Variants in RBM44 observed in about 807,000 individuals in gnomAD.
The protein encoded by RBM44 is RNA binding motif protein 44.
RBM44 carries 66 observed loss-of-function variants against 105.1 expected under a neutral mutation model. The ratio of observed to expected loss-of-function variants is 0.63; its 90% CI spans 0.52 to 0.77. RBM44 has a LOEUF of 0.77. Among genes scored for constraint, RBM44 ranks in the 30% least tolerant of loss-of-function variants. The pLI, the probability that RBM44 is intolerant of heterozygous loss-of-function variation, is 0.00. For synonymous variants in RBM44, 365 were observed against 417.6 expected (o/e 0.87, Z 1.54); for missense variants, 1,122 against 1,207.8 (o/e 0.93, Z 1.05).
intron 5 of RBM44, 46 bp downstream of exon 5, chr2:237,820,397 A>G (rs760386406): frequency 8.5e-7 from 1 of 1,180,728 alleles, no homozygotes; most frequent in South Asian, 1.5e-5. Context: ...ATGTGTCACT[A>G]GCTTTAAGTT....
chr2:237,821,890 C>A, intron 8 of RBM44, 63 bp downstream of exon 8: 3 of 1,118,578 alleles, frequency 2.7e-6, no homozygotes, highest in Non-Finnish European at 4.0e-6. Flanking sequence ...TAAAGTAAAT[C>A]ATAATTTTCA....
chr2:237,822,715 CAAT>C (rs1272892939), intron 8 of RBM44, among the ~76,000 whole-genome samples: 1 of 151,730 alleles, frequency 6.6e-6, no homozygotes, highest in Non-Finnish European at 1.5e-5. Context: ...TTAGGGAGAA[CAAT>C]AAATTATTTT....
At chr2:237,832,915 C>T (rs2061917419) in intron 13 of RBM44, among the ~76,000 whole-genome samples, 2 of 152,178 alleles carry the variant, frequency 1.3e-5, no homozygotes, top group Admixed American at 1.3e-4. Flanking sequence ...CATTACCTCA[C>T]AAATGTTGAT....
intron 1 of RBM44, among the ~76,000 whole-genome samples, chr2:237,805,034 T>C (rs2061584621): frequency 6.6e-6 from 1 of 152,146 alleles, no homozygotes; most frequent in African/African-American, 2.4e-5. Context: ...GGCATCCAAA[T>C]AGGAAGAGAG....
rs1415675520 is a variant in RBM44, at chr2:237,817,061, A to G, written c.142A>G (p.Thr48Ala). The G allele has an allele frequency of 6.3e-7, 1 of 1,597,922 alleles. No individual in the cohort carries two copies. The highest frequency in any genetic ancestry group is 8.5e-7 in the Non-Finnish European group (1 of 1,173,632). ...CAATGGTTGTGATGAAGTCAAATTG[A>G]CTTTTCCTGATGATGACTGGAATTC... ...SSNGCDEVKL[T>A]FPDDDWNSST... Residue 48 changes from threonine (T) to alanine (A), a missense_variant, in exon 3 of 16, where the codon ACT becomes GCT. Transcript: ENST00000316997.
chr2:237,819,888 G>A (rs2061764327), intron 4 of RBM44, among the ~76,000 whole-genome samples: 1 of 151,866 alleles, frequency 6.6e-6, no homozygotes, highest in Non-Finnish European at 1.5e-5. Flanking sequence ...TAGAGAATAA[G>A]CAATTCTCCA....
Position 237,818,698 on chromosome 2 carries a change from G to C in RBM44, c.1677+102G>C, listed in dbSNP as rs1032866359. On this transcript the variant is annotated intron_variant, in intron 3 of 15. Coordinates refer to ENST00000316997, the MANE Select transcript of RBM44 (RefSeq NM_001080504.3). This position sits in a 1 kb window ranked among gnomAD's most constrained non-coding sequence, Gnocchi z 4.6. ...CGTTGAATTAAGGCTTTTGTGAGAA[G>C]ATGCTAGATGAGGGGAGTAAATTAA... 3.8e-6 allele frequency: 3 copies of C among 780,182 alleles called. No homozygotes were observed. The highest frequency in any genetic ancestry group is 5.9e-6 in the Non-Finnish European group (3 of 507,840). The allele number at this position is 780,182 out of a possible 1,614,324, so 48.3% of individuals were successfully genotyped here.
At chr2:237,812,583 A>G (rs2061670506) in intron 1 of RBM44, among the ~76,000 whole-genome samples, 1 of 152,208 alleles carries the variant, frequency 6.6e-6, no homozygotes, top group Non-Finnish European at 1.5e-5. Flanking sequence ...TTTCAGGATC[A>G]GTGATTGAAA....
intron 1 of RBM44, among the ~76,000 whole-genome samples, chr2:237,808,706 A>G (rs1246065508): frequency 3.3e-5 from 5 of 152,192 alleles, no homozygotes; most frequent in African/African-American, 9.7e-5. Flanking sequence ...CATAAGTTCA[A>G]CTGGAGTCTT....
rs1292614484 is a variant in RBM44 at position 237,820,281 on chromosome 2, T to C, written c.1843T>C (p.Tyr615His). Residue 615 changes from tyrosine to histidine, a missense_variant, in exon 5 of 16, where the codon TAT (tyrosine) becomes CAT (histidine). Coordinates refer to ENST00000316997, the MANE Select transcript of RBM44 (RefSeq NM_001080504.3). ...KAELHLLNVH[Y>H]QMCRRHCCDI... ...AGAGCTGCACCTTTTAAATGTTCAC[T>C]ATCAGATGTGTCGTCGCCATTGTTG... The C allele has an allele frequency of 6.2e-7, 1 of 1,604,632 alleles. No individual in the cohort carries two copies. Among genetic ancestry groups the C allele is most frequent in the Non-Finnish European group, 8.5e-7 (1 of 1,174,570 alleles).
chr2:237,802,105 A>G (rs1042694706), intron 1 of RBM44, among the ~76,000 whole-genome samples: 7 of 152,204 alleles, frequency 4.6e-5, no homozygotes, highest in South Asian at 2.1e-4. Flanking sequence ...CCTACCCCCA[A>G]TGGCTAACTC....
chr2:237,839,893 GGGTTAATACCCAGAATA>G (rs1235840474), intron 15 of RBM44, among the ~76,000 whole-genome samples: 1 of 152,108 alleles, frequency 6.6e-6, no homozygotes, highest in Non-Finnish European at 1.5e-5. Context: ...ATCTGATAAG[GGGTTAATACCCAGAATA>G]GGCTGGGGAG....
At chr2:237,824,473 GT>G in intron 10 of RBM44, 54 bp downstream of exon 10, 1 of 1,447,560 alleles carries the variant, frequency 6.9e-7, no homozygotes, top group South Asian at 1.2e-5. Flanking sequence ...TTGTAAAATA[GT>G]GCTTACCTGC....
At chr2:237,833,119 T>C (rs2061918895) in intron 13 of RBM44, among the ~76,000 whole-genome samples, 1 of 152,192 alleles carries the variant, frequency 6.6e-6, no homozygotes, top group African/African-American at 2.4e-5. Flanking sequence ...AGTTATTACA[T>C]ACCAACTGTG....
At chr2:237,833,743 G>C (rs2061926301) in intron 13 of RBM44, among the ~76,000 whole-genome samples, 1 of 152,092 alleles carries the variant, frequency 6.6e-6, no homozygotes. Flanking sequence ...ATCTGGTTGA[G>C]AAAGCCTTAT....
Position 237,817,341 on chromosome 2 carries a change from A to T in RBM44, c.422A>T (p.Glu141Val). The T allele has an allele frequency of 6.2e-7, 1 of 1,601,992 alleles. No homozygotes were observed. The highest frequency in any genetic ancestry group is 8.5e-7 in the Non-Finnish European group (1 of 1,175,200). The change falls in exon 3 of 16, where the codon GAG becomes GTG. Residue 141 changes from glutamate to valine, a missense_variant. Physicochemically the swap from Glu to Val is moderately radical, Grantham distance 121. This residue lies in a region of RBM44 where 918 missense variants were observed against 955.3 expected (regional missense o/e 0.96). Transcript: ENST00000316997. The stretch of plus-strand genomic sequence containing the variant: ...TTAGATCCTGAAGTGCAGAAAAAAG[A>T]GGAGGTTTTTTTTAATATTTTGGAA... ...SELDPEVQKK[E>V]EVFFNILEHQ...
intron 15 of RBM44, among the ~76,000 whole-genome samples, chr2:237,839,229 A>G (rs1023153694): frequency 6.6e-6 from 1 of 152,162 alleles, no homozygotes; most frequent in Non-Finnish European, 1.5e-5. Context: ...GGGGGCAACT[A>G]CTAAAAGAAC....
chr2:237,821,066 A>G lies in RBM44; in HGVS notation c.1914-5A>G. On this transcript the variant is annotated splice_polypyrimidine_tract_variant and splice_region_variant and intron_variant, in intron 5 of 15. Coordinates refer to ENST00000316997, the MANE Select transcript of RBM44 (RefSeq NM_001080504.3). ...TTTAGTTTTGTGCACTCAACTTTTGAACAGGAATTTATCAAGTAATTCTGC... is the reference window on the plus strand; with the variant it reads ...TTTAGTTTTGTGCACTCAACTTTTGGACAGGAATTTATCAAGTAATTCTGC... The G allele has an allele frequency of 6.3e-7, 1 of 1,576,606 alleles. No homozygotes were observed. The highest frequency in any genetic ancestry group is 8.6e-7 in the Non-Finnish European group (1 of 1,168,464).
chr2:237,823,495 A>G lies in RBM44; in HGVS notation c.2261A>G (p.Asp754Gly), dbSNP rs975411950. The change falls in exon 9 of 16, where the codon GAT (aspartate) becomes GGT (glycine). Residue 754 changes from aspartate to glycine, a missense_variant. Coordinates refer to ENST00000316997, the MANE Select transcript of RBM44 (RefSeq NM_001080504.3). ...ACACAAAACATATCACCCAAGAAAG[A>G]TGACTTTAAAAATGGTGATATAAAT... ...HATQNISPKK[D>G]DFKNGDINAD... 1.1e-5 allele frequency: 17 copies of G among 1,544,204 alleles called. No individual in the cohort carries two copies. The highest frequency in any genetic ancestry group is 2.4e-5 in the East Asian group (1 of 41,534).
Sources: allele counts gnomAD v4.1 joint callset (sites outside exome capture counted in the v4.1 genomes callset), GRCh38; gene constraint gnomAD v4.1.1; regional missense constraint gnomAD v4.1.1; non-coding constraint Gnocchi (gnomAD v3.1); transcripts MANE v1.5; gene names NCBI Gene and HGNC (gene_info 2026-07-23, HGNC 2026-07-21).